Variants in NCOR1 observed in about 807,000 individuals in gnomAD.
NCOR1 encodes protein phosphatase 1, regulatory subunit 109.
A neutral mutation model predicts 288.1 loss-of-function variants in NCOR1; 63 were observed. The ratio of observed to expected loss-of-function variants is 0.22; its 90% CI spans 0.18 to 0.27. NCOR1 has a LOEUF of 0.27. NCOR1 is among the 10% of genes least tolerant of loss of function. The pLI, the probability that NCOR1 is intolerant of heterozygous loss-of-function variation, is 1.00. For missense variants in NCOR1, 2,397 were observed against 3,019.2 expected, an observed-to-expected ratio of 0.79 and a Z score of 4.83; for synonymous variants, 1,007 against 1,065.9, an observed-to-expected ratio of 0.94 and a Z score of 1.08.
At chr17:16,111,100 C>T (rs1257444724) in intron 18 of NCOR1, among the ~76,000 whole-genome samples, 1 of 152,126 alleles carries the variant, frequency 6.6e-6, no homozygotes, top group African/African-American at 2.4e-5. Flanking sequence ...TTTTCCAGAG[C>T]CCAGTGTATG....
At chr17:16,172,031 T>A (rs377582852) in intron 3 of NCOR1, 36 bp from the exon 4 acceptor site, 1 of 1,478,458 alleles carries the variant, frequency 6.8e-7, no homozygotes, top group African/African-American at 1.4e-5. Flanking sequence ...CTTGAAAATT[T>A]GTAAGTGATG....
chr17:16,181,207 ATGTATGTG>A (rs1436815603), intron 3 of NCOR1, among the ~76,000 whole-genome samples: 4 of 85,720 alleles, frequency 4.7e-5, no homozygotes, highest in East Asian at 5.5e-4. Flanking sequence ...ATACATATAT[ATGTATGTG>A]TGTGTGTGTG....
intron 18 of NCOR1, among the ~76,000 whole-genome samples, chr17:16,110,354 A>AAAAAAAACAAAAAAC (rs1386578243): frequency 6.6e-6 from 1 of 152,050 alleles, no homozygotes; most frequent in African/African-American, 2.4e-5. Flanking sequence ...ACTCGTTCAA[A>AAAAAAAACAAAAAAC]AAAAAAACAA....
At chr17:16,169,293 ATAAAATTAAATAAAAT>A (rs2082666837) in intron 4 of NCOR1, among the ~76,000 whole-genome samples, 1 of 152,184 alleles carries the variant, frequency 6.6e-6, no homozygotes, top group Non-Finnish European at 1.5e-5. Context: ...CAAAAAACCC[ATAAAATTAAATAAAAT>A]TAAAATTAAA....
intron 32 of NCOR1, among the ~76,000 whole-genome samples, chr17:16,066,568 G>A (rs1329942214): frequency 6.6e-6 from 1 of 152,168 alleles, no homozygotes; most frequent in Non-Finnish European, 1.5e-5. Flanking sequence ...CTGAGAACTT[G>A]AGTGACCTAT....
At chr17:16,055,635 C>T (rs1470784383) in intron 40 of NCOR1, among the ~76,000 whole-genome samples, 1 of 152,102 alleles carries the variant, frequency 6.6e-6, no homozygotes, top group Non-Finnish European at 1.5e-5. Flanking sequence ...CTCAAGTTTA[C>T]CTATATAATA....
intron 37 of NCOR1, among the ~76,000 whole-genome samples, chr17:16,060,349 A>AT (rs1349407772): frequency 6.6e-6 from 1 of 152,258 alleles, no homozygotes; most frequent in Non-Finnish European, 1.5e-5. Context: ...TAATCCAATG[A>AT]TTAAGGAACC....
chr17:16,161,642 A>T (rs192477291), intron 5 of NCOR1, among the ~76,000 whole-genome samples: 1 of 152,304 alleles, frequency 6.6e-6, no homozygotes, highest in Admixed American at 6.5e-5. Context: ...GCCATGTTTT[A>T]AAAATAAATT....
chr17:16,072,846 T>C (rs1187145963), intron 28 of NCOR1, among the ~76,000 whole-genome samples: 1 of 152,214 alleles, frequency 6.6e-6, no homozygotes, highest in Non-Finnish European at 1.5e-5. Context: ...GGTTAAGATT[T>C]AAACAAAGTG....
rs138401655 is a variant in NCOR1, at chr17:16,121,782, A to G, written c.1635-513T>C. On this transcript the variant is annotated intron_variant, in intron 15 of 45. Coordinates refer to ENST00000268712, the MANE Select transcript of NCOR1 (RefSeq NM_006311.4). The stretch of plus-strand genomic sequence containing the variant: ...ATTGTTTTATAAAATCAGACTCAAT[A>G]CTCTAAATCATGTCTGATACTAATT... Among the ~76,000 whole-genome samples, 249 of 152,246 alleles carry G rather than the reference A, an allele frequency of 1.6e-3. 2 individuals carry two copies. Among genetic ancestry groups the G allele is most frequent in the Middle Eastern group, 3.4e-3 (1 of 294 alleles).
intron 29 of NCOR1, 79 bp downstream of exon 29, chr17:16,072,066 A>G: frequency 7.1e-6 from 8 of 1,129,870 alleles, no homozygotes; most frequent in Non-Finnish European, 1.0e-5. Flanking sequence ...AAAAGCAGAA[A>G]TACACTGTAA....
intron 14 of NCOR1, 106 bp from the exon 15 acceptor site, chr17:16,126,312 C>G (rs918027040): frequency 1.7e-6 from 2 of 1,152,604 alleles, no homozygotes; most frequent in Non-Finnish European, 2.4e-6. Flanking sequence ...GATTGTTAGT[C>G]ATTTACAATG....
At chr17:16,194,428 AAC>A (rs1177883499) in intron 2 of NCOR1, 32 bp downstream of exon 2, 1 of 1,401,160 alleles carries the variant, frequency 7.1e-7, no homozygotes, top group East Asian at 2.3e-5. Context: ...AAACACAAAA[AAC>A]ATGTGCAATT....
intron 45 of NCOR1, among the ~76,000 whole-genome samples, chr17:16,034,414 C>A (rs543717039): frequency 1.3e-5 from 2 of 152,086 alleles, no homozygotes; most frequent in African/African-American, 4.8e-5. Flanking sequence ...CGTAGTGAGA[C>A]CTTGTCCCTA....
intron 15 of NCOR1, among the ~76,000 whole-genome samples, chr17:16,125,018 G>T (rs1396745436): frequency 6.6e-6 from 1 of 152,138 alleles, no homozygotes; most frequent in Non-Finnish European, 1.5e-5. Flanking sequence ...TACATTTACT[G>T]TAATATTCTA....
intron 14 of NCOR1, 86 bp from the exon 15 acceptor site, chr17:16,126,292 A>G: frequency 7.5e-7 from 1 of 1,328,422 alleles, no homozygotes; most frequent in Non-Finnish European, 1.0e-6. Flanking sequence ...TATCTAAAAA[A>G]ATTTTAAATG....
chr17:16,160,697 C>G (rs893182082), intron 5 of NCOR1, among the ~76,000 whole-genome samples: 7 of 152,234 alleles, frequency 4.6e-5, no homozygotes, highest in Admixed American at 2.6e-4. Context: ...GAGGCCGAGG[C>G]AGAAGAATCG....
At chr17:16,036,166 G>C (rs895641205) in intron 44 of NCOR1, among the ~76,000 whole-genome samples, 1 of 152,208 alleles carries the variant, frequency 6.6e-6, no homozygotes, top group Non-Finnish European at 1.5e-5. Context: ...TGTTGTGTTA[G>C]CAGGCATGAA....
At chr17:16,200,143 C>T (rs545160754) in intron 1 of NCOR1, among the ~76,000 whole-genome samples, 1 of 152,098 alleles carries the variant, frequency 6.6e-6, no homozygotes, top group African/African-American at 2.4e-5. Context: ...TTTGCATAAC[C>T]AAAATGTGTT....
Sources: gnomAD v4.1 joint callset for allele counts (sites outside exome capture counted in the v4.1 genomes callset) on GRCh38, gnomAD v4.1.1 for gene constraint, MANE v1.5 for transcripts, NCBI Gene and HGNC (gene_info 2026-07-23, HGNC 2026-07-21) for gene names.